The following METTL15 variants were observed in gnomAD, a reference collection of about 807,000 sequenced individuals.
The protein encoded by METTL15 is 12S rRNA N(4)-cytidine methyltransferase METTL15.
In METTL15, 34 loss-of-function variants were observed where a neutral mutation model predicts 38.3. The ratio of observed to expected loss-of-function variants is 0.89; its 90% CI spans 0.68 to 1.18. The LOEUF is 1.18. METTL15 is among the 50% of genes most tolerant of loss of function. The probability of loss-of-function intolerance (pLI) is 0.00; values close to 1 mark genes in which losing one functional copy is unlikely to be tolerated. For synonymous variants in METTL15, 162 were observed against 170.9 expected (o/e 0.95, Z 0.41); for missense variants, 438 against 498.4 (o/e 0.88, Z 1.15).
At chr11:28,213,985 A>C (rs995326716) in intron 4 of METTL15, among the ~76,000 whole-genome samples, 1 of 152,132 alleles carries the variant, frequency 6.6e-6, no homozygotes, top group Admixed American at 6.5e-5. Context: ...AATCCTGACC[A>C]TGGTAAATTT....
At position 28,127,706 on chromosome 11, in the gene METTL15, G is replaced by A. The variant is rs1349812805; in HGVS notation, c.270+14102G>A. Among the ~76,000 whole-genome samples the A allele has an allele frequency of 2.0e-5, 3 of 151,990 alleles. No individual in the cohort carries two copies. The East Asian group carries it at 5.8e-4, about 29-fold the overall frequency. On this transcript the variant is annotated intron_variant, in intron 3 of 6. Transcript: ENST00000407364. ...AAGAAGCATTTTATTGCTATTTTAT[G>A]TAGAATAAGCATTACCACATAGAAC...
intron 3 of METTL15, among the ~76,000 whole-genome samples, chr11:28,153,283 G>T (rs997868611): frequency 6.6e-6 from 1 of 151,952 alleles, no homozygotes; most frequent in African/African-American, 2.4e-5. Flanking sequence ...ACATAACTAC[G>T]CACATCCTCC....
chr11:28,307,373 CTCAA>C (rs1857118662), intron 6 of METTL15, among the ~76,000 whole-genome samples: 1 of 151,858 alleles, frequency 6.6e-6, no homozygotes. Context: ...AAAATAGATG[CTCAA>C]TCAATATTTC....
Position 28,109,691 on chromosome 11 carries a change from A to G in METTL15, c.-253-475A>G, listed in dbSNP as rs77214708. ...TGTAAAATTGCATGGATCATTGGTG[A>G]AGAATAGAAGTGTTTTAAAGTTTGT... On this transcript the variant is annotated intron_variant, in intron 1 of 6. Coordinates refer to ENST00000407364, the MANE Select transcript of METTL15 (RefSeq NM_001113528.2). Among the ~76,000 whole-genome samples, 758 of 152,336 alleles carry G rather than the reference A, an allele frequency of 5.0e-3. 3 individuals are homozygous for G. Among genetic ancestry groups the G allele is most frequent in the African/African-American group, 7.2e-3 (300 of 41,580 alleles).
intron 6 of METTL15, among the ~76,000 whole-genome samples, chr11:28,507,029 G>A (rs1331813062): frequency 6.6e-6 from 1 of 152,164 alleles, no homozygotes; most frequent in Non-Finnish European, 1.5e-5. Flanking sequence ...ATAGGCCTGA[G>A]CCCACTGGGC....
chr11:28,289,724 C>G (rs933973736), intron 4 of METTL15, among the ~76,000 whole-genome samples: 28 of 152,066 alleles, frequency 1.8e-4, no homozygotes, highest in African/African-American at 6.3e-4. Flanking sequence ...GCATAGCACC[C>G]TATTCTAATT....
intron 5 of METTL15, among the ~76,000 whole-genome samples, chr11:28,387,371 G>A (rs1189347286): frequency 2.0e-5 from 3 of 151,638 alleles, no homozygotes; most frequent in Admixed American, 2.0e-4. Context: ...TACAACTAAT[G>A]CCACAGAAAT....
intron 3 of METTL15, among the ~76,000 whole-genome samples, chr11:28,166,649 A>G (rs1378212261): frequency 6.6e-6 from 1 of 152,168 alleles, no homozygotes; most frequent in Non-Finnish European, 1.5e-5. Context: ...GGACTTCACA[A>G]TGAAAAAATG....
At chr11:28,191,214 A>C (rs981133335) in intron 3 of METTL15, among the ~76,000 whole-genome samples, 1 of 151,432 alleles carries the variant, frequency 6.6e-6, no homozygotes, top group Admixed American at 6.6e-5. Context: ...CCAAATATTA[A>C]CTATATATAA....
rs935360842 is a variant in METTL15 at position 28,305,044 on chromosome 11, A to G, written c.778+8113A>G. Among the ~76,000 whole-genome samples, 41 of 152,126 alleles carry G rather than the reference A, an allele frequency of 2.7e-4. 1 individual carries two copies. The highest frequency in any genetic ancestry group is 2.5e-3 in the Admixed American group (38 of 15,252). On this transcript the variant is annotated intron_variant, in intron 6 of 6. Coordinates refer to ENST00000407364, the MANE Select transcript of METTL15 (RefSeq NM_001113528.2). ...TTACACTTATTCTTTTGTCATTTCA[A>G]ATTTCTCGAACTCAATCTATTACAC...
At chr11:28,353,245 A>G (rs1384868248) in intron 4 of METTL15, among the ~76,000 whole-genome samples, 1 of 152,108 alleles carries the variant, frequency 6.6e-6, no homozygotes, top group African/African-American at 2.4e-5. Context: ...CAAAAAGTTG[A>G]CCCTAAGTTT....
intron 5 of METTL15, among the ~76,000 whole-genome samples, chr11:28,366,301 G>A (rs549847225): frequency 2.0e-4 from 30 of 152,188 alleles, no homozygotes; most frequent in African/African-American, 7.0e-4. Flanking sequence ...AAGAGCTTGT[G>A]GATGTTAATA....
At chr11:28,177,663 T>A (rs963349929) in intron 3 of METTL15, among the ~76,000 whole-genome samples, 1 of 152,002 alleles carries the variant, frequency 6.6e-6, no homozygotes, top group African/African-American at 2.4e-5. Context: ...TGATGTTGAA[T>A]GTTTTCTACA....
chr11:28,143,892 A>G (rs1177128563), intron 3 of METTL15, among the ~76,000 whole-genome samples: 1 of 152,158 alleles, frequency 6.6e-6, no homozygotes, highest in East Asian at 1.9e-4. Context: ...TCTGACTGGA[A>G]CTTCTGAGCT....
chr11:28,378,608 C>T (rs565390461), intron 5 of METTL15, among the ~76,000 whole-genome samples: 89 of 152,258 alleles, frequency 5.8e-4, no homozygotes, highest in African/African-American at 2.1e-3. Flanking sequence ...GCAGAAATCA[C>T]CCTTCTTCTG....
chr11:28,474,362 G>A (rs924522710), intron 6 of METTL15, among the ~76,000 whole-genome samples: 3 of 151,886 alleles, frequency 2.0e-5, no homozygotes, highest in African/African-American at 7.3e-5. Context: ...TAATGATAAT[G>A]CCTCTCTGTA....
intron 6 of METTL15, among the ~76,000 whole-genome samples, chr11:28,489,364 A>AATAAAATTGTCAG (rs763443992): frequency 1.3e-5 from 2 of 152,192 alleles, no homozygotes; most frequent in Non-Finnish European, 2.9e-5. Context: ...TGACTTGTTA[A>AATAAAATTGTCAG]ATAAAATTGT....
intron 4 of METTL15, among the ~76,000 whole-genome samples, chr11:28,254,436 C>G (rs1330390363): frequency 1.3e-5 from 2 of 152,068 alleles, no homozygotes; most frequent in East Asian, 1.9e-4. Flanking sequence ...CTTTAGGTGT[C>G]TCTTCACTTT....
chr11:28,449,945 C>A (rs1340692658), intron 6 of METTL15, among the ~76,000 whole-genome samples: 1 of 152,118 alleles, frequency 6.6e-6, no homozygotes, highest in Non-Finnish European at 1.5e-5. Context: ...GTCACATGGT[C>A]TAGTGATATA....
Sources: allele counts gnomAD v4.1 joint callset (sites outside exome capture counted in the v4.1 genomes callset), GRCh38; gene constraint gnomAD v4.1.1; transcripts MANE v1.5; gene names NCBI Gene and HGNC (gene_info 2026-07-23, HGNC 2026-07-21).